ADRA1A: variants seen among roughly 807,000 people sequenced by gnomAD.
The protein encoded by ADRA1A is alpha-1A adrenergic receptor.
In ADRA1A, 31 loss-of-function variants were observed where a neutral mutation model predicts 29.6. The ratio of observed to expected loss-of-function variants is 1.05; its 90% CI spans 0.79 to 1.41. The LOEUF (loss-of-function observed/expected upper bound fraction) is 1.41. ADRA1A is among the 40% of genes most tolerant of loss of function. The pLI is 0.00. For synonymous variants in ADRA1A, 311 were observed against 254.3 expected (o/e 1.22, Z -2.12); for missense variants, 619 against 601.1 (o/e 1.03, Z -0.31).
rs577084975 is a variant in ADRA1A at position 26,796,312 on chromosome 8, A to G, written c.884-25646T>C. ...ATACTTAAAATATTAAAAAAGAATA[A>G]AAGCACATAACTAAAAAATAACTCA... On this transcript the variant is annotated intron_variant, in intron 2 of 2. Coordinates refer to ENST00000380573, the MANE Select transcript of ADRA1A (RefSeq NM_000680.4). The surrounding 1 kb of genome is among the most constrained non-coding windows in gnomAD (Gnocchi z 5.0). Among the ~76,000 whole-genome samples the G allele has an allele frequency of 2.6e-4, 40 of 152,306 alleles. No individual in the cohort carries two copies. Among genetic ancestry groups the G allele is most frequent in the Non-Finnish European group, 4.7e-4 (32 of 68,022 alleles).
chr8:26,795,278 G>C (rs1054514331), intron 2 of ADRA1A, among the ~76,000 whole-genome samples: 70 of 145,982 alleles, frequency 4.8e-4, no homozygotes, highest in African/African-American at 1.6e-3. Context: ...CCAATGATGA[G>C]ACAATGTGAG....
chr8:26,809,511 C>T (rs1055006621), intron 2 of ADRA1A, among the ~76,000 whole-genome samples: 2 of 152,204 alleles, frequency 1.3e-5, no homozygotes, highest in Non-Finnish European at 2.9e-5. Flanking sequence ...TGAGCCATGA[C>T]ATCCTGCCTT....
At chr8:26,862,207 C>T (rs577700559) in intron 2 of ADRA1A, among the ~76,000 whole-genome samples, 80 of 152,166 alleles carry the variant, frequency 5.3e-4, no homozygotes, top group South Asian at 8.3e-4. Context: ...AGGCTCTTTC[C>T]CATCTCTGTA....
chr8:26,793,239 G>T (rs1807958869), intron 2 of ADRA1A, among the ~76,000 whole-genome samples: 1 of 151,864 alleles, frequency 6.6e-6, no homozygotes, highest in Admixed American at 6.6e-5. Context: ...CTTAAAAATT[G>T]ATAAAATTTT....
In ADRA1A at chr8:26,770,336, CG is replaced by C; in HGVS notation, c.1213del (p.Arg405ValfsTer20). The C allele has an allele frequency of 4.3e-6, 7 of 1,614,168 alleles. No individual in the cohort carries two copies. The highest frequency in any genetic ancestry group is 5.1e-6 in the Non-Finnish European group (6 of 1,180,026). ...CEWKFFSSMP[R>X]GSARITVSKD... is the part of the protein sequence containing the mutation. ...GGACACTGTAATCCTGGCAGATCCA[CG>C]GGGCATGGAAGAGAAAAATTTCCAT... is the stretch of plus-strand genomic sequence containing the variant. On this transcript the variant is annotated frameshift_variant, in exon 3 of 3. Coordinates refer to ENST00000380573, the MANE Select transcript of ADRA1A (RefSeq NM_000680.4). LOFTEE classifies it high-confidence loss of function.
At chr8:26,771,037 G>A (rs1806105422) in intron 2 of ADRA1A, among the ~76,000 whole-genome samples, 1 of 150,770 alleles carries the variant, frequency 6.6e-6, no homozygotes, top group Non-Finnish European at 1.5e-5. Context: ...ATCCATGCAA[G>A]TAATCCATAT....
At chr8:26,776,352 C>T (rs1048283317) in intron 2 of ADRA1A, among the ~76,000 whole-genome samples, 2 of 152,230 alleles carry the variant, frequency 1.3e-5, no homozygotes, top group Admixed American at 6.5e-5. Context: ...TTCTGCGCTT[C>T]ATTTTACCCC....
chr8:26,838,694 A>T (rs1050370228), intron 2 of ADRA1A, among the ~76,000 whole-genome samples: 2 of 152,256 alleles, frequency 1.3e-5, no homozygotes, highest in Non-Finnish European at 2.9e-5. Context: ...GTCATTCAAA[A>T]ATTTGAAATG....
At chr8:26,788,477 T>C in intron 2 of ADRA1A, among the ~76,000 whole-genome samples, 1 of 152,170 alleles carries the variant, frequency 6.6e-6, no homozygotes, top group East Asian at 1.9e-4. Context: ...TCATAACCCA[T>C]GTGGAGAGTT....
chr8:26,763,940 T>C (rs1705659826), downstream of ADRA1A, among the ~76,000 whole-genome samples: 1 of 152,184 alleles, frequency 6.6e-6, no homozygotes, highest in Non-Finnish European at 1.5e-5. The surrounding 1 kb of genome is among the most constrained non-coding windows in gnomAD (Gnocchi z 4.5). Context: ...ACTCCTAATA[T>C]ACATTAAATA....
chr8:26,750,480 G>A (rs368378993), intron 2 of ADRA1A, among the ~76,000 whole-genome samples: 2 of 152,156 alleles, frequency 1.3e-5, no homozygotes, highest in African/African-American at 4.8e-5. Context: ...GGGATTACAG[G>A]CATGAGCCAC....
In ADRA1A at chr8:26,778,157, A is replaced by G. The variant is rs183643785; in HGVS notation, c.884-7491T>C. On this transcript the variant is annotated intron_variant, in intron 2 of 2. Transcript: ENST00000380573. The stretch of plus-strand genomic sequence containing the variant: ...CACCAGTTAACAAAGCCTAAGAAGC[A>G]TTTCTCCTTTTAGGAAAAAGGAGCA... Among the ~76,000 whole-genome samples the G allele has an allele frequency of 1.2e-3, 189 of 152,264 alleles. 2 individuals carry two copies. The highest frequency in any genetic ancestry group is 4.0e-3 in the African/African-American group (168 of 41,554).
chr8:26,824,282 G>C (rs56059993), intron 2 of ADRA1A, among the ~76,000 whole-genome samples: 45,517 of 151,728 alleles, frequency 0.3, 7,531 homozygotes, highest in East Asian at 0.52. Context: ...CTGGGTAACA[G>C]GGGTCTATCT....
intron 2 of ADRA1A, among the ~76,000 whole-genome samples, chr8:26,800,349 C>G (rs1019015164): frequency 6.6e-6 from 1 of 151,998 alleles, no homozygotes; most frequent in Non-Finnish European, 1.5e-5. Flanking sequence ...AACAGAAACT[C>G]TAGGAACAGG....
At chr8:26,849,203 C>T (rs1296108783) in intron 2 of ADRA1A, among the ~76,000 whole-genome samples, 1 of 152,232 alleles carries the variant, frequency 6.6e-6, no homozygotes, top group East Asian at 1.9e-4. Flanking sequence ...CCTCGGTTCA[C>T]ATCAACAAAA....
At chr8:26,799,154 A>G (rs1224615653) in intron 2 of ADRA1A, among the ~76,000 whole-genome samples, 1 of 151,834 alleles carries the variant, frequency 6.6e-6, no homozygotes, top group African/African-American at 2.4e-5. Context: ...GGTATGATAT[A>G]CTCTTCTGCT....
intron 2 of ADRA1A, among the ~76,000 whole-genome samples, chr8:26,856,491 C>T (rs925646498): frequency 1.3e-5 from 2 of 152,176 alleles, no homozygotes; most frequent in Non-Finnish European, 2.9e-5. Flanking sequence ...CCCTTTCCAG[C>T]TTCACTGGAC....
chr8:26,784,736 C>T (rs116404226), intron 2 of ADRA1A, among the ~76,000 whole-genome samples: 1 of 152,090 alleles, frequency 6.6e-6, no homozygotes, highest in African/African-American at 2.4e-5. Context: ...CTCTATTTTC[C>T]TAAGTTTTTC....
downstream of ADRA1A, among the ~76,000 whole-genome samples, chr8:26,754,437 G>A (rs901471292): frequency 6.6e-6 from 1 of 151,940 alleles, no homozygotes; most frequent in African/African-American, 2.4e-5. Context: ...TGGAGAAGGT[G>A]GATGTGGTTC....
Sources: gnomAD v4.1 joint callset for allele counts (sites outside exome capture counted in the v4.1 genomes callset) on GRCh38, gnomAD v4.1.1 for gene constraint, Gnocchi (gnomAD v3.1) non-coding constraint, MANE v1.5 for transcripts, NCBI Gene and HGNC (gene_info 2026-07-23, HGNC 2026-07-21) for gene names.